Variants in TCERG1L observed in about 807,000 individuals in gnomAD.
TCERG1L encodes the protein transcription elongation regulator 1-like protein.
A neutral mutation model predicts 56.3 loss-of-function variants in TCERG1L; 37 were observed. The observed-to-expected ratio is 0.66, with a 90% CI of 0.51 to 0.87. TCERG1L has a LOEUF of 0.87. TCERG1L is among the 40% of genes least tolerant of loss of function. TCERG1L has a pLI of 0.00. For missense variants in TCERG1L, 799 were observed against 774.2 expected, an observed-to-expected ratio of 1.03 and a Z score of -0.38; for synonymous variants, 324 against 326.3, an observed-to-expected ratio of 0.99 and a Z score of 0.08.
At chr10:131,102,786 C>A (rs1389306393) in intron 10 of TCERG1L, among the ~76,000 whole-genome samples, 5 of 152,148 alleles carry the variant, frequency 3.3e-5, no homozygotes, top group African/African-American at 1.2e-4. Context: ...TCTCAGGGCC[C>A]TTCTCAGACG....
At chr10:131,262,856 G>A (rs754157047) in intron 3 of TCERG1L, among the ~76,000 whole-genome samples, 9 of 151,986 alleles carry the variant, frequency 5.9e-5, no homozygotes, top group African/African-American at 1.5e-4. Flanking sequence ...CCTGGCAGCC[G>A]CTGATCTTTC....
In TCERG1L at chr10:131,116,805, C is replaced by A; in HGVS notation, c.1389G>T (p.Glu463Asp). Residue 463 changes from glutamate to aspartate, a missense_variant, in exon 9 of 12, where the codon GAG becomes GAT. By Grantham distance (45) the Glu-to-Asp change is conservative. Transcript: ENST00000368642. ...RVTHFRDMLL[E>D]RGVSAFSTWE... The stretch of plus-strand genomic sequence containing the variant: ...CTCAGCCGCTGTGCCTTACCCCTCT[C>A]TCCAGCAGCATGTCTCGGAAGTGGG... The A allele has an allele frequency of 6.4e-7, 1 of 1,562,266 alleles. No individual in the cohort carries two copies.
chr10:131,220,430 C>T (rs1845716956), intron 4 of TCERG1L, among the ~76,000 whole-genome samples: 1 of 152,240 alleles, frequency 6.6e-6, no homozygotes, highest in South Asian at 2.1e-4. Context: ...GCGTTTGCTC[C>T]TCCTGGTGCC....
intron 7 of TCERG1L, among the ~76,000 whole-genome samples, chr10:131,135,774 C>G (rs770235629): frequency 1.3e-5 from 2 of 152,248 alleles, no homozygotes; most frequent in African/African-American, 2.4e-5. Context: ...AGCAAGGCTG[C>G]AGTATCCATC....
chr10:131,242,078 C>T lies in TCERG1L; in HGVS notation c.856+18181G>A, dbSNP rs1032964022. Among the ~76,000 whole-genome samples, 5 of 152,166 alleles carry T rather than the reference C, an allele frequency of 3.3e-5. No individual in the cohort carries two copies. The East Asian group carries it at 9.6e-4, about 29-fold the overall frequency. On this transcript the variant is annotated intron_variant, in intron 4 of 11. Coordinates refer to ENST00000368642, the MANE Select transcript of TCERG1L (RefSeq NM_174937.4). The stretch of plus-strand genomic sequence containing the variant: ...AAGGGCAAGAACAGAATTTTCAACA[C>T]CGAAGGGATCTGGAATACTTTTATT...
intron 3 of TCERG1L, among the ~76,000 whole-genome samples, chr10:131,271,375 T>C (rs1846338504): frequency 6.6e-6 from 1 of 152,062 alleles, no homozygotes; most frequent in African/African-American, 2.4e-5. Context: ...AAACCCTAGG[T>C]AGGAGCCAGC....
At chr10:131,186,690 C>T (rs1253405331) in intron 4 of TCERG1L, among the ~76,000 whole-genome samples, 2 of 152,210 alleles carry the variant, frequency 1.3e-5, no homozygotes, top group East Asian at 1.9e-4. Flanking sequence ...CCCCTTTCCT[C>T]GTGCCTCTGG....
chr10:131,293,346 G>C (rs1287183566), intron 3 of TCERG1L, among the ~76,000 whole-genome samples: 1 of 152,102 alleles, frequency 6.6e-6, no homozygotes, highest in African/African-American at 2.4e-5. Flanking sequence ...GACAGTGCAG[G>C]AGTATCGCCG....
intron 3 of TCERG1L, among the ~76,000 whole-genome samples, chr10:131,270,777 C>T (rs1234758236): frequency 6.6e-6 from 1 of 152,164 alleles, no homozygotes; most frequent in Non-Finnish European, 1.5e-5. Flanking sequence ...CCCTGTGTGT[C>T]GTGGGAGATA....
At position 131,093,593 on chromosome 10, in the gene TCERG1L, T is replaced by C. The variant is rs182574829; in HGVS notation, c.1605-275A>G. ...CGGCCCCCACCAGCCTCCTCAGCCG[T>C]CTCATGCAGCTGTCACTCCCCCAGC... On this transcript the variant is annotated intron_variant, in intron 11 of 11. Coordinates refer to ENST00000368642, the MANE Select transcript of TCERG1L (RefSeq NM_174937.4). Among the ~76,000 whole-genome samples the C allele has an allele frequency of 7.5e-4, 114 of 152,190 alleles. 1 individual carries two copies. The highest frequency in any genetic ancestry group is 2.7e-3 in the African/African-American group (112 of 41,528).
intron 8 of TCERG1L, among the ~76,000 whole-genome samples, chr10:131,126,905 T>TGA (rs1845571325): frequency 6.6e-6 from 1 of 152,244 alleles, no homozygotes; most frequent in Admixed American, 6.5e-5. Flanking sequence ...AGACAAGAGC[T>TGA]GAGGGAGACG....
chr10:131,157,339 AT>A (rs1189605513), intron 6 of TCERG1L, among the ~76,000 whole-genome samples: 1 of 152,180 alleles, frequency 6.6e-6, no homozygotes, highest in African/African-American at 2.4e-5. Flanking sequence ...TTTAATATAT[AT>A]TTTTTAATTT....
chr10:131,211,798 C>A (rs571472100), intron 4 of TCERG1L, among the ~76,000 whole-genome samples: 57 of 152,304 alleles, frequency 3.7e-4, no homozygotes, highest in Non-Finnish European at 7.2e-4. Context: ...CACTTGCCAG[C>A]GTCACCTCTA....
At chr10:131,234,803 A>G (rs749088357) in intron 4 of TCERG1L, among the ~76,000 whole-genome samples, 7 of 152,206 alleles carry the variant, frequency 4.6e-5, no homozygotes, top group Non-Finnish European at 1.0e-4. Flanking sequence ...TCCTGGGTTC[A>G]AGTGATTTTC....
chr10:131,262,902 A>G (rs575355316), intron 3 of TCERG1L, among the ~76,000 whole-genome samples: 37 of 152,164 alleles, frequency 2.4e-4, no homozygotes, highest in African/African-American at 8.7e-4. Flanking sequence ...CCAGAAGGCC[A>G]TTCAGTTGGA....
chr10:131,297,219 C>T (rs959666830), intron 3 of TCERG1L, among the ~76,000 whole-genome samples: 9 of 152,096 alleles, frequency 5.9e-5, no homozygotes, highest in Non-Finnish European at 1.2e-4. Context: ...TGTCAGTTTG[C>T]GGAAGTCCCC....
chr10:131,281,119 A>C (rs1846446923), intron 3 of TCERG1L, among the ~76,000 whole-genome samples: 1 of 152,160 alleles, frequency 6.6e-6, no homozygotes, highest in Non-Finnish European at 1.5e-5. Context: ...TCATAATCTC[A>C]ATGGCAATAA....
intron 11 of TCERG1L, among the ~76,000 whole-genome samples, chr10:131,096,111 C>G (rs1845244004): frequency 6.6e-6 from 1 of 152,226 alleles, no homozygotes; most frequent in Non-Finnish European, 1.5e-5. Context: ...CGCCATCCTC[C>G]TCGTCACTTT....
intron 4 of TCERG1L, among the ~76,000 whole-genome samples, chr10:131,228,318 T>C (rs75913666): frequency 3.3e-3 from 45 of 13,828 alleles, no homozygotes; most frequent in East Asian, 7.9e-3. Flanking sequence ...TCCGGAGTCT[T>C]CCCTCCAGAC....
Sources: allele counts gnomAD v4.1 joint callset (sites outside exome capture counted in the v4.1 genomes callset), GRCh38; gene constraint gnomAD v4.1.1; transcripts MANE v1.5; gene names NCBI Gene and HGNC (gene_info 2026-07-23, HGNC 2026-07-21).